The following LRCH1 variants were observed in gnomAD, a reference collection of about 807,000 sequenced individuals.
LRCH1 encodes leucine rich repeats and calponin homology domain containing 1.
LRCH1 carries 23 observed loss-of-function variants against 94.9 expected under a neutral mutation model. The ratio of observed to expected loss-of-function variants is 0.24; its 90% CI spans 0.17 to 0.34. The LOEUF is 0.34. Ranked by LOEUF, LRCH1 falls within the 10% of genes least tolerant of loss-of-function variation. The probability of loss-of-function intolerance (pLI) is 1.00; values close to 1 mark genes in which losing one functional copy is unlikely to be tolerated. For missense variants in LRCH1, 790 were observed against 945.9 expected (o/e 0.84, Z 2.16); for synonymous variants, 364 against 354.9 (o/e 1.03, Z -0.29).
intron 3 of LRCH1, among the ~76,000 whole-genome samples, chr13:46,670,661 C>CCCA (rs200840546): frequency 6.6e-6 from 1 of 151,824 alleles, no homozygotes; most frequent in Non-Finnish European, 1.5e-5. Context: ...CCATCCCCCC[C>CCCA]CAACCCTGTC....
At position 46,743,354 on chromosome 13, in the gene LRCH1, A is replaced by C. The variant is rs1873760538; in HGVS notation, c.*1506A>C. ...TTTGCTAACAGGAAGCATTCTTTAC[A>C]TGACAGTATCTTGAGTTATGTGAGT... On this transcript the variant is annotated 3_prime_UTR_variant, in exon 20 of 20. Coordinates refer to ENST00000389797, the MANE Select transcript of LRCH1 (RefSeq NM_001164211.2). 1.0e-6 allele frequency: 1 copy of C among 985,776 alleles called. No individual in the cohort carries two copies. Among genetic ancestry groups the C allele is most frequent in the African/African-American group, 1.7e-5 (1 of 57,242 alleles). 61.1% of individuals were successfully genotyped at this position (985,776 alleles called of 1,614,324 possible). A position where few individuals can be genotyped will look rare whatever the true frequency, so the allele number is the denominator to read the frequency against.
At chr13:46,626,293 C>CCCAAG (rs1254423456) in intron 1 of LRCH1, among the ~76,000 whole-genome samples, 1 of 152,236 alleles carries the variant, frequency 6.6e-6, no homozygotes, top group African/African-American at 2.4e-5. Flanking sequence ...AGACCCCGAG[C>CCCAAG]CCAAGCCAAG....
chr13:46,668,950 TTTC>T lies in LRCH1; in HGVS notation c.453-77_453-75del, dbSNP rs1311455318. 2.7e-6 allele frequency: 4 copies of T among 1,476,804 alleles called. No individual in the cohort carries two copies. In the East Asian group the frequency reaches 9.1e-5, roughly 34 times the overall value. The allele number at this position is 1,476,804 out of a possible 1,614,324, so 91.5% of individuals were successfully genotyped here. A position where few individuals can be genotyped will look rare whatever the true frequency, so the allele number is the denominator to read the frequency against. On this transcript the variant is annotated intron_variant, in intron 2 of 19. Coordinates refer to ENST00000389797, the MANE Select transcript of LRCH1 (RefSeq NM_001164211.2). ...GTCTTCTCAGATCACTCCTTTTTCC[TTTC>T]TTGTTAAAAACAGGTTCACAGACAG...
At chr13:46,574,131 C>T (rs978954198) in intron 1 of LRCH1, among the ~76,000 whole-genome samples, 1 of 151,298 alleles carries the variant, frequency 6.6e-6, no homozygotes, top group Non-Finnish European at 1.5e-5. Context: ...AATTACAGGC[C>T]ACTGTGCCTG....
chr13:46,563,855 A>AGGTGCC lies in LRCH1; in HGVS notation c.307+10153_307+10158dup, dbSNP rs555362957. Among the ~76,000 whole-genome samples the AGGTGCC allele has an allele frequency of 3.9e-3, 590 of 152,292 alleles. 4 individuals carry two copies. Among genetic ancestry groups the AGGTGCC allele is most frequent in the South Asian group, 0.026 (125 of 4,824 alleles). Reference sequence around the variant, plus strand: ...GGCCAAGGGTACACAGCATGGCAGTAGGTGCCAGAGCCAGGGCAGAGTCTC... The same window carrying AGGTGCC: ...GGCCAAGGGTACACAGCATGGCAGTAGGTGCCGGTGCCAGAGCCAGGGCAGAGTCTC... On this transcript the variant is annotated intron_variant, in intron 1 of 19. Transcript: ENST00000389797.
chr13:46,602,978 G>GCATGCATACATACATACATACATACATA (rs142972823), intron 1 of LRCH1, among the ~76,000 whole-genome samples: 1 of 149,818 alleles, frequency 6.7e-6, no homozygotes, highest in Admixed American at 6.6e-5. Flanking sequence ...ATACATGCAT[G>GCATGCATACATACATACATACATACATA]CATACATACA....
chr13:46,579,325 A>C (rs2050339315), intron 1 of LRCH1, among the ~76,000 whole-genome samples: 1 of 152,126 alleles, frequency 6.6e-6, no homozygotes, highest in South Asian at 2.1e-4. Flanking sequence ...AACTCTTCAG[A>C]GAGATATTAG....
Position 46,642,275 on chromosome 13 carries a change from A to C in LRCH1, c.308-7926A>C, listed in dbSNP as rs1041526293. Among the ~76,000 whole-genome samples the C allele has an allele frequency of 4.6e-5, 7 of 152,332 alleles. No individual in the cohort carries two copies. The East Asian group carries it at 1.3e-3, about 29-fold the overall frequency. Reference sequence around the variant, plus strand: ...TTTTTTTCTTCTACAAGCTATACCCATATGAACAACTGATGTTGCCTGTAT... The same window carrying C: ...TTTTTTTCTTCTACAAGCTATACCCCTATGAACAACTGATGTTGCCTGTAT... On this transcript the variant is annotated intron_variant, in intron 1 of 19. Coordinates refer to ENST00000389797, the MANE Select transcript of LRCH1 (RefSeq NM_001164211.2).
intron 7 of LRCH1, among the ~76,000 whole-genome samples, chr13:46,689,524 C>T (rs150994091): frequency 5.3e-5 from 8 of 151,974 alleles, no homozygotes; most frequent in East Asian, 1.9e-4. Context: ...CGCAAGTGCC[C>T]GTGAAGCACT....
Position 46,723,284 on chromosome 13 carries a change from T to A in LRCH1, c.1823T>A (p.Met608Lys). 6.2e-7 allele frequency: 1 copy of A among 1,613,742 alleles called. No homozygotes were observed. The highest frequency in any genetic ancestry group is 8.5e-7 in the Non-Finnish European group (1 of 1,179,812). Residue 608 changes from methionine (M) to lysine (K), a missense_variant, in exon 17 of 20, where the codon ATG becomes AAG. Transcript: ENST00000389797. The stretch of plus-strand genomic sequence containing the variant: ...CCGCAGTTTACAATCCGGAGGAAAA[T>A]GGAGCAGATGAGAGAAGAGAAAGAG... ...IDPQFTIRRK[M>K]EQMREEKELV... is the part of the protein sequence containing the mutation.
chr13:46,661,164 G>T (rs2051442826), intron 2 of LRCH1, among the ~76,000 whole-genome samples: 1 of 152,084 alleles, frequency 6.6e-6, no homozygotes. Context: ...ATGAGAAAAG[G>T]CTGCACTGTG....
intron 2 of LRCH1, among the ~76,000 whole-genome samples, chr13:46,660,813 A>G (rs987993434): frequency 6.6e-6 from 1 of 151,964 alleles, no homozygotes; most frequent in African/African-American, 2.4e-5. Flanking sequence ...TATCCCTTTG[A>G]CTCAGTTGAG....
chr13:46,611,448 T>C (rs1312014631), intron 1 of LRCH1, among the ~76,000 whole-genome samples: 4 of 152,180 alleles, frequency 2.6e-5, no homozygotes, highest in Non-Finnish European at 4.4e-5. Context: ...CCAATAGAGA[T>C]ATTTGGCTCA....
intron 1 of LRCH1, among the ~76,000 whole-genome samples, chr13:46,590,702 T>C (rs2050489539): frequency 6.6e-6 from 1 of 152,096 alleles, no homozygotes; most frequent in Non-Finnish European, 1.5e-5. Context: ...AAAAGTCTCA[T>C]CTTAAATTTG....
intron 1 of LRCH1, among the ~76,000 whole-genome samples, chr13:46,560,160 A>G (rs1160616896): frequency 1.6e-5 from 1 of 61,876 alleles, no homozygotes; most frequent in Non-Finnish European, 5.0e-5. Flanking sequence ...GACTTTTTAT[A>G]TTTCAGCTGG....
chr13:46,738,061 A>T (rs559454715), intron 19 of LRCH1, among the ~76,000 whole-genome samples: 117 of 152,328 alleles, frequency 7.7e-4, no homozygotes, highest in Non-Finnish European at 1.3e-3. Flanking sequence ...GAGGGGAGTT[A>T]GAATAGAAAT....
intron 9 of LRCH1, among the ~76,000 whole-genome samples, chr13:46,697,675 C>G (rs1372754870): frequency 6.6e-6 from 1 of 152,162 alleles, no homozygotes. Flanking sequence ...TGGGAACATA[C>G]ACATCCTGGG....
intron 2 of LRCH1, among the ~76,000 whole-genome samples, chr13:46,664,340 T>C (rs948314211): frequency 1.3e-5 from 2 of 152,238 alleles, no homozygotes; most frequent in African/African-American, 4.8e-5. Flanking sequence ...AAAATGTCTA[T>C]GGCGTAGTGA....
chr13:46,744,084 A>C lies in LRCH1; in HGVS notation c.*2236A>C. 1.0e-6 allele frequency: 1 copy of C among 985,406 alleles called. No homozygotes were observed. The highest frequency in any genetic ancestry group is 1.2e-6 in the Non-Finnish European group (1 of 829,932). 61.0% of individuals were successfully genotyped at this position (985,406 alleles called of 1,614,324 possible). On this transcript the variant is annotated 3_prime_UTR_variant, in exon 20 of 20. Coordinates refer to ENST00000389797, the MANE Select transcript of LRCH1 (RefSeq NM_001164211.2). ...GAACTGTTCTGTCCATTGCCAACCCATTAATTTCTAATCAGAATATTAAGC... is the reference window on the plus strand; with the variant it reads ...GAACTGTTCTGTCCATTGCCAACCCCTTAATTTCTAATCAGAATATTAAGC...
Sources: allele counts gnomAD v4.1 joint callset (sites outside exome capture counted in the v4.1 genomes callset), GRCh38; gene constraint gnomAD v4.1.1; transcripts MANE v1.5; gene names NCBI Gene and HGNC (gene_info 2026-07-23, HGNC 2026-07-21).